Variants in MED27 observed in about 807,000 individuals in gnomAD.
MED27 encodes mediator complex subunit 27.
A neutral mutation model predicts 38.2 loss-of-function variants in MED27; 30 were observed. The observed-to-expected ratio is 0.79, with a 90% CI of 0.59 to 1.07. The LOEUF is 1.07. MED27 is among the 50% of genes least tolerant of loss of function. The pLI is 0.00. For missense variants in MED27, 289 were observed against 397.5 expected, an observed-to-expected ratio of 0.73 and a Z score of 2.32; for synonymous variants, 122 against 153.5, an observed-to-expected ratio of 0.79 and a Z score of 1.52.
intron 2 of MED27, among the ~76,000 whole-genome samples, chr9:132,070,310 C>T (rs1228396356): frequency 1.3e-5 from 2 of 152,208 alleles, no homozygotes; most frequent in Admixed American, 1.3e-4. Context: ...AATCCCAGCA[C>T]TTTGGGAGGC....
At chr9:132,029,899 G>A (rs1832917053) in intron 2 of MED27, among the ~76,000 whole-genome samples, 1 of 152,130 alleles carries the variant, frequency 6.6e-6, no homozygotes, top group East Asian at 1.9e-4. Context: ...GCAGAGCATG[G>A]CCCAAAAATT....
intron 3 of MED27, among the ~76,000 whole-genome samples, chr9:132,010,331 C>G (rs1426555198): frequency 6.6e-6 from 1 of 152,160 alleles, no homozygotes; most frequent in Non-Finnish European, 1.5e-5. Flanking sequence ...ACCACAATGA[C>G]ATACCATCTC....
At chr9:131,909,660 G>T (rs1258352566) in intron 4 of MED27, among the ~76,000 whole-genome samples, 6 of 152,188 alleles carry the variant, frequency 3.9e-5, no homozygotes, top group African/African-American at 1.4e-4. Context: ...TGTGGACAAG[G>T]TCACTTTAAA....
At chr9:131,908,142 C>CT (rs1345789256) in intron 4 of MED27, among the ~76,000 whole-genome samples, 2 of 102,408 alleles carry the variant, frequency 2.0e-5, no homozygotes, top group Non-Finnish European at 5.2e-5. Flanking sequence ...GGTCAGCCCC[C>CT]CGCTCGGCCA....
intron 4 of MED27, among the ~76,000 whole-genome samples, chr9:131,928,615 G>A (rs1440645091): frequency 6.6e-6 from 1 of 152,196 alleles, no homozygotes; most frequent in Non-Finnish European, 1.5e-5. Context: ...CTGACACAGT[G>A]GAGAGTAAAG....
chr9:131,930,261 T>C (rs946854270), intron 4 of MED27, among the ~76,000 whole-genome samples: 2 of 152,186 alleles, frequency 1.3e-5, no homozygotes, highest in African/African-American at 2.4e-5. Context: ...AAGAAGGTTA[T>C]AGAACACCAA....
intron 2 of MED27, among the ~76,000 whole-genome samples, chr9:132,034,604 C>T (rs62581893): frequency 2.0e-5 from 3 of 152,168 alleles, no homozygotes; most frequent in African/African-American, 7.2e-5. Flanking sequence ...AACCTCAGCG[C>T]GATAGCTTGG....
intron 2 of MED27, among the ~76,000 whole-genome samples, chr9:132,022,189 T>A (rs1265439160): frequency 6.6e-6 from 1 of 152,216 alleles, no homozygotes; most frequent in East Asian, 1.9e-4. Context: ...TGTTTGCCTA[T>A]GTTTCTACTG....
At chr9:132,067,897 A>G (rs1042753566) in intron 2 of MED27, among the ~76,000 whole-genome samples, 1 of 152,134 alleles carries the variant, frequency 6.6e-6, no homozygotes, top group Admixed American at 6.5e-5. Context: ...ATTTTTTAGT[A>G]GAGACGGGGT....
At chr9:132,048,764 G>A (rs997799128) in intron 2 of MED27, among the ~76,000 whole-genome samples, 5 of 152,166 alleles carry the variant, frequency 3.3e-5, no homozygotes, top group Non-Finnish European at 5.9e-5. Context: ...CGGGGGTGGC[G>A]GGCAGGGCTT....
intron 4 of MED27, among the ~76,000 whole-genome samples, chr9:131,912,451 G>A (rs1747959004): frequency 6.6e-6 from 1 of 152,126 alleles, no homozygotes; most frequent in Admixed American, 6.5e-5. Flanking sequence ...CTGGATCCTG[G>A]TTTTGTGGTT....
At position 132,036,315 on chromosome 9, in the gene MED27, C is replaced by T. The variant is rs568782429; in HGVS notation, c.349-21848G>A. The stretch of plus-strand genomic sequence containing the variant: ...AACTCCTGGGCTCAAGCTATCCTCC[C>T]GCCTCAGCCTCCTGAGTAGCTGGGA... On this transcript the variant is annotated intron_variant, in intron 2 of 7. Coordinates refer to ENST00000292035, the MANE Select transcript of MED27 (RefSeq NM_004269.4). 1.3e-3 allele frequency among the ~76,000 whole-genome samples: 195 copies of T among 152,192 alleles called. 1 individual carries two copies. The highest frequency in any genetic ancestry group is 6.8e-3 in the Middle Eastern group (2 of 292).
chr9:131,880,725 G>A lies in MED27; in HGVS notation c.723+3333C>T, dbSNP rs1490170198. 4.0e-4 allele frequency among the ~76,000 whole-genome samples: 61 copies of A among 152,170 alleles called. 1 individual carries two copies. The highest frequency in any genetic ancestry group is 4.4e-5 in the Non-Finnish European group (3 of 68,036). ...AAATTTTAAACACTTCTGCTTCAGA[G>A]TGTGTTTGTAATTTTAAATAAATAC... is the stretch of plus-strand genomic sequence containing the variant. On this transcript the variant is annotated intron_variant, in intron 6 of 7. Transcript: ENST00000292035.
At position 131,939,403 on chromosome 9, in the gene MED27, T is replaced by C. The variant is rs762014849; in HGVS notation, c.551A>G (p.Asn184Ser). 16 of 1,610,282 alleles carry C rather than the reference T, an allele frequency of 9.9e-6. No homozygotes were observed. Among genetic ancestry groups the C allele is most frequent in the East Asian group, 2.2e-5 (1 of 44,770 alleles). ...PEMSIHLSRP[N>S]GTSAMLLVTL... ...TACCAGAAGCATTGCTGATGTTCCA[T>C]TGGGTCTGGATAAGTGGATGGACAT... Residue 184 changes from asparagine to serine, a missense_variant, in exon 4 of 8, where the codon AAT becomes AGT. Transcript: ENST00000292035.
chr9:132,042,174 C>T (rs1833229854), intron 2 of MED27, among the ~76,000 whole-genome samples: 1 of 152,154 alleles, frequency 6.6e-6, no homozygotes, highest in Non-Finnish European at 1.5e-5. Flanking sequence ...TCAGTTTCTT[C>T]CTCTACAAAT....
At chr9:132,015,996 T>C (rs1832593877) in intron 2 of MED27, among the ~76,000 whole-genome samples, 1 of 152,234 alleles carries the variant, frequency 6.6e-6, no homozygotes, top group African/African-American at 2.4e-5. Context: ...TAATTCATTC[T>C]AAAGCTCTGA....
chr9:132,014,506 C>T (rs1270933069), intron 2 of MED27, 39 bp from the exon 3 acceptor site: 1 of 1,601,460 alleles, frequency 6.2e-7, no homozygotes, highest in South Asian at 1.1e-5. Context: ...AGAAAAATAG[C>T]ATTTGGTAAA....
chr9:131,958,809 C>T (rs1339346913), intron 3 of MED27, among the ~76,000 whole-genome samples: 3 of 152,146 alleles, frequency 2.0e-5, no homozygotes, highest in African/African-American at 4.8e-5. Flanking sequence ...AGCCTGTGAC[C>T]GGTCTTTACA....
intron 2 of MED27, among the ~76,000 whole-genome samples, chr9:132,052,137 A>G (rs1411352479): frequency 2.6e-5 from 4 of 152,134 alleles, no homozygotes; most frequent in Non-Finnish European, 5.9e-5. Flanking sequence ...CAAGGGGGAA[A>G]ACGGCACCAG....
Sources: allele counts gnomAD v4.1 joint callset (sites outside exome capture counted in the v4.1 genomes callset), GRCh38; gene constraint gnomAD v4.1.1; transcripts MANE v1.5; gene names NCBI Gene and HGNC (gene_info 2026-07-23, HGNC 2026-07-21).